Variants in NAT14 observed in about 807,000 individuals in gnomAD.
The protein encoded by NAT14 is probable N-acetyltransferase 14.
A neutral mutation model predicts 12.1 loss-of-function variants in NAT14; 14 were observed. That is an observed-to-expected ratio of 1.16 (90% confidence interval 0.76 to 1.81). The LOEUF (loss-of-function observed/expected upper bound fraction) is 1.81, where lower values mean the gene tolerates loss of function less well. Among genes scored for constraint, NAT14 ranks in the 40% most tolerant of loss-of-function variants. The pLI, the probability that NAT14 is intolerant of heterozygous loss-of-function variation, is 0.00. For missense variants in NAT14, 341 were observed against 304.3 expected (o/e 1.12, Z -0.90); for synonymous variants, 156 against 145.1 (o/e 1.08, Z -0.54).
Position 55,485,786 on chromosome 19 carries a change from A to G in NAT14, c.72+6A>G. On this transcript the variant is annotated splice_donor_region_variant and intron_variant, in intron 2 of 2. Transcript: ENST00000205194. ...TGGTGCTGGAGATGCTGAAGGTGAG[A>G]GGCAGGGGCCCCAGGGGGCCTGGGA... The G allele has an allele frequency of 6.5e-7, 1 of 1,547,846 alleles. No homozygotes were observed. The highest frequency in any genetic ancestry group is 8.7e-7 in the Non-Finnish European group (1 of 1,144,044).
At chr19:55,485,538 T>C in intron 1 of NAT14, 123 bp from the exon 2 acceptor site, 1 of 587,896 alleles carries the variant, frequency 1.7e-6, no homozygotes, top group South Asian at 2.2e-5. Context: ...AGATCCTCGC[T>C]TGGGGGCCCC....
At position 55,486,972 on chromosome 19, in the gene NAT14, G is replaced by A; in HGVS notation, c.*16G>A. 1.3e-6 allele frequency: 2 copies of A among 1,539,930 alleles called. No homozygotes were observed. The highest frequency in any genetic ancestry group is 2.4e-5 in the South Asian group (2 of 84,644). ...AGACCTGTGAAGCTACAGACTGACA[G>A]CCAGGGCAGGGGAGGAGGGAGGGGC... On this transcript the variant is annotated 3_prime_UTR_variant, in exon 3 of 3. Coordinates refer to ENST00000205194, the MANE Select transcript of NAT14 (RefSeq NM_020378.4).
Position 55,487,305 on chromosome 19 carries a change from A to C in NAT14, c.*349A>C, listed in dbSNP as rs1422946807. 2.3e-6 allele frequency: 1 copy of C among 433,348 alleles called. No individual in the cohort carries two copies. The highest frequency in any genetic ancestry group is 2.1e-5 in the African/African-American group (1 of 48,742). 26.8% of individuals were successfully genotyped at this position (433,348 alleles called of 1,614,324 possible). On this transcript the variant is annotated 3_prime_UTR_variant, in exon 3 of 3. Transcript: ENST00000205194. ...TGTGCTGTCCGTGCCCCAGGCTGGG[A>C]GAGCTATCTGGGGAGGGGGAGAGGA...
At chr19:55,486,309 T>C in intron 2 of NAT14, 99 bp from the exon 3 acceptor site, 1 of 1,370,916 alleles carries the variant, frequency 7.3e-7, no homozygotes, top group Non-Finnish European at 9.4e-7. Flanking sequence ...TCCCTTCCCA[T>C]TTGGGAGCTC....
At position 55,487,270 on chromosome 19, in the gene NAT14, C is replaced by T. The variant is rs1986954853; in HGVS notation, c.*314C>T. 4.3e-6 allele frequency: 2 copies of T among 466,542 alleles called. No individual in the cohort carries two copies. Among genetic ancestry groups the T allele is most frequent in the South Asian group, 4.7e-5 (1 of 21,442 alleles). 28.9% of individuals were successfully genotyped at this position (466,542 alleles called of 1,614,324 possible). A position where few individuals can be genotyped will look rare whatever the true frequency, so the allele number is the denominator to read the frequency against. ...ACTGAGAAACCTCCCCGGGTGATGT[C>T]TGCAAAGTCTGTGCTGTCCGTGCCC... On this transcript the variant is annotated 3_prime_UTR_variant, in exon 3 of 3. Coordinates refer to ENST00000205194, the MANE Select transcript of NAT14 (RefSeq NM_020378.4).
rs1317240525 is a variant in NAT14 at position 55,486,990 on chromosome 19, G to A, written c.*34G>A. 6.6e-6 allele frequency: 10 copies of A among 1,525,542 alleles called. No homozygotes were observed. Among genetic ancestry groups the A allele is most frequent in the South Asian group, 2.4e-5 (2 of 83,104 alleles). The allele number at this position is 1,525,542 out of a possible 1,614,324, so 94.5% of individuals were successfully genotyped here. A position where few individuals can be genotyped will look rare whatever the true frequency, so the allele number is the denominator to read the frequency against. On this transcript the variant is annotated 3_prime_UTR_variant, in exon 3 of 3. Coordinates refer to ENST00000205194, the MANE Select transcript of NAT14 (RefSeq NM_020378.4). ...ACTGACAGCCAGGGCAGGGGAGGAG[G>A]GAGGGGCGCCAGCACCTGATGATCG...
At chr19:55,485,889 G>A in intron 2 of NAT14, 109 bp downstream of exon 2, 1 of 883,056 alleles carries the variant, frequency 1.1e-6, no homozygotes, top group South Asian at 1.5e-5. Context: ...CCCCTGGAGC[G>A]GGATCTTTTC....
At chr19:55,485,380 C>T (rs886302473) in intron 1 of NAT14, 122 bp downstream of exon 1, 36 of 316,434 alleles carry the variant, frequency 1.1e-4, no homozygotes, top group Admixed American at 9.1e-4. Flanking sequence ...TGTTCGTGGA[C>T]CCCAGTGCCT....
chr19:55,487,551 T>TA lies in NAT14; in HGVS notation c.*598dup. ...TCTGGTTTTTTACACCGTTTGTTAA[T>TA]AAAGCCTGAAACCGCTGTGTGCCTG... is the stretch of plus-strand genomic sequence containing the variant. On this transcript the variant is annotated 3_prime_UTR_variant, in exon 3 of 3. Coordinates refer to ENST00000205194, the MANE Select transcript of NAT14 (RefSeq NM_020378.4). The TA allele has an allele frequency of 2.6e-6, 1 of 385,910 alleles. No homozygotes were observed. Among genetic ancestry groups the TA allele is most frequent in the Non-Finnish European group, 4.6e-6 (1 of 218,382 alleles). The allele number at this position is 385,910 out of a possible 1,614,324, so 23.9% of individuals were successfully genotyped here.
intron 2 of NAT14, chr19:55,486,032 C>G (rs1986905113): frequency 3.3e-6 from 2 of 597,038 alleles, no homozygotes; most frequent in South Asian, 4.1e-5. Flanking sequence ...GCTGTGCACG[C>G]CAGCACAACA....
In NAT14 at chr19:55,486,413, C is replaced by T. The variant is rs374556132; in HGVS notation, c.78C>T (p.Gly26=). The T allele has an allele frequency of 3.1e-4, 451 of 1,467,316 alleles. No homozygotes were observed. Among genetic ancestry groups the T allele is most frequent in the Middle Eastern group, 2.0e-3 (11 of 5,604 alleles). 90.9% of individuals were successfully genotyped at this position (1,467,316 alleles called of 1,614,324 possible). ...GCCACCCCTCCTGCCCACAGGCCGG[C>T]GTGAAGGACACGGAAAACCGCGTGG... ...KPLVLEMLKA[G]VKDTENRVAL... Residue 26 remains glycine, a synonymous_variant, in exon 3 of 3, where the codon GGC becomes GGT. Transcript: ENST00000205194.
At chr19:55,486,154 T>G in intron 2 of NAT14, 1 of 577,144 alleles carries the variant, frequency 1.7e-6, no homozygotes, top group Non-Finnish European at 3.0e-6. Context: ...TCCCTGTCCT[T>G]ACTTCCCTGG....
At position 55,486,116 on chromosome 19, in the gene NAT14, C is replaced by CCAGCCTCCACTCCAGCCTGAGG. The variant is rs1369477969; in HGVS notation, c.73-289_73-268dup. 1.0e-5 allele frequency: 4 copies of CCAGCCTCCACTCCAGCCTGAGG among 384,448 alleles called. No homozygotes were observed. In the South Asian group the frequency reaches 1.5e-4, roughly 14 times the overall value. 23.8% of individuals were successfully genotyped at this position (384,448 alleles called of 1,614,324 possible). A position where few individuals can be genotyped will look rare whatever the true frequency, so the allele number is the denominator to read the frequency against. ...CCCAACCTAGCCCAGCAGCCTCCCT[C>CCAGCCTCCACTCCAGCCTGAGG]CAGCCTCCACTCCAGCCTGAGGCAA... On this transcript the variant is annotated intron_variant, in intron 2 of 2. Transcript: ENST00000205194.
rs1177507844 is a variant in NAT14, at chr19:55,485,759, C to T, written c.51C>T (p.Pro17=). 10 of 1,550,928 alleles carry T rather than the reference C, an allele frequency of 6.4e-6. No homozygotes were observed. Among genetic ancestry groups the T allele is most frequent in the Non-Finnish European group, 8.7e-6 (10 of 1,146,550 alleles). Residue 17 remains proline (P), a synonymous_variant, in exon 2 of 3, where the codon CCC becomes CCT. Transcript: ENST00000205194. ...SVREMREDEK[P]LVLEMLKAGV... ...GGGAGATGAGGGAAGATGAGAAGCC[C>T]CTGGTGCTGGAGATGCTGAAGGTGA...
In NAT14 at chr19:55,486,985, A is replaced by C; in HGVS notation, c.*29A>C. 6.6e-7 allele frequency: 1 copy of C among 1,516,018 alleles called. No homozygotes were observed. Among genetic ancestry groups the C allele is most frequent in the Non-Finnish European group, 8.8e-7 (1 of 1,135,834 alleles). The allele number at this position is 1,516,018 out of a possible 1,614,324, so 93.9% of individuals were successfully genotyped here. On this transcript the variant is annotated 3_prime_UTR_variant, in exon 3 of 3. Transcript: ENST00000205194. ...TACAGACTGACAGCCAGGGCAGGGG[A>C]GGAGGGAGGGGCGCCAGCACCTGAT...
chr19:55,486,234 T>A, intron 2 of NAT14, 174 bp from the exon 3 acceptor site: 1 of 838,788 alleles, frequency 1.2e-6, no homozygotes, highest in Non-Finnish European at 1.7e-6. Flanking sequence ...CATCCATCAT[T>A]CGCTCTCGTT....
Position 55,486,615 on chromosome 19 carries a change from C to A in NAT14, c.280C>A (p.Leu94Met). The change falls in exon 3 of 3, where the codon CTG (leucine) becomes ATG (methionine). Residue 94 changes from leucine (L) to methionine (M), a missense_variant. Coordinates refer to ENST00000205194, the MANE Select transcript of NAT14 (RefSeq NM_020378.4). ...RWGSLPPPGGLGGPWVAVRGS... is the reference protein window; with the variant it reads ...RWGSLPPPGGMGGPWVAVRGS... ...GGGCTCGCTGCCTCCGCCGGGTGGC[C>A]TGGGGGGCCCCTGGGTGGCCGTGCG... The A allele has an allele frequency of 6.5e-7, 1 of 1,539,014 alleles. No individual in the cohort carries two copies. The highest frequency in any genetic ancestry group is 8.7e-7 in the Non-Finnish European group (1 of 1,153,352).
In NAT14 at chr19:55,487,164, T is replaced by G. The variant is rs1664059088; in HGVS notation, c.*208T>G. 2.7e-6 allele frequency: 2 copies of G among 738,920 alleles called. No individual in the cohort carries two copies. The highest frequency in any genetic ancestry group is 4.1e-6 in the Non-Finnish European group (2 of 490,496). The allele number at this position is 738,920 out of a possible 1,614,324, so 45.8% of individuals were successfully genotyped here. On this transcript the variant is annotated 3_prime_UTR_variant, in exon 3 of 3. Coordinates refer to ENST00000205194, the MANE Select transcript of NAT14 (RefSeq NM_020378.4). ...TCTGTTGTGTTTGAGCTTCTCAGAGTGGAATGACTCCTTTTCCTTCCTGGC... is the reference window on the plus strand; with the variant it reads ...TCTGTTGTGTTTGAGCTTCTCAGAGGGGAATGACTCCTTTTCCTTCCTGGC...
intron 2 of NAT14, chr19:55,486,073 C>T: frequency 1.7e-6 from 1 of 584,286 alleles, no homozygotes; most frequent in Non-Finnish European, 3.0e-6. Flanking sequence ...CCCAACTCTT[C>T]AAAGCACAGC....
Sources: gnomAD v4.1 joint callset for allele counts on GRCh38, gnomAD v4.1.1 for gene constraint, MANE v1.5 for transcripts, NCBI Gene and HGNC (gene_info 2026-07-23, HGNC 2026-07-21) for gene names.